Variants in PDCD1LG2 observed in about 807,000 individuals in gnomAD.
The protein encoded by PDCD1LG2 is B7 dendritic cell molecule.
In PDCD1LG2, 32 loss-of-function variants were observed where a neutral mutation model predicts 28.2. That is an observed-to-expected ratio of 1.13 (90% CI 0.86 to 1.52). The LOEUF (loss-of-function observed/expected upper bound fraction) is 1.52. Ranked by LOEUF, PDCD1LG2 falls within the 40% of genes most tolerant of loss-of-function variation. The pLI, the probability that PDCD1LG2 is intolerant of heterozygous loss-of-function variation, is 0.00. For synonymous variants in PDCD1LG2, 116 were observed against 120.2 expected, an observed-to-expected ratio of 0.97 and a Z score of 0.23; for missense variants, 385 against 323.8, an observed-to-expected ratio of 1.19 and a Z score of -1.45.
In PDCD1LG2 at chr9:5,569,698, T is replaced by C. The variant is rs1216555581; in HGVS notation, c.817-256T>C. Among the ~76,000 whole-genome samples the C allele has an allele frequency of 6.6e-6, 1 of 152,168 alleles. No homozygotes were observed. Among genetic ancestry groups the C allele is most frequent in the African/African-American group, 2.4e-5 (1 of 41,432 alleles). ...AGGCCCCTGAAATGTGCTCCAATAT[T>C]ACTGAACTATGTGTGGCCCAAAGAA... On this transcript the variant is annotated intron_variant, in intron 6 of 6. Coordinates refer to ENST00000397747, the MANE Select transcript of PDCD1LG2 (RefSeq NM_025239.4). This position sits in a 1 kb window ranked among gnomAD's most constrained non-coding sequence, Gnocchi z 4.1.
chr9:5,531,330 C>G (rs976535698), intron 2 of PDCD1LG2, among the ~76,000 whole-genome samples: 2 of 152,152 alleles, frequency 1.3e-5, no homozygotes, highest in African/African-American at 4.8e-5. Flanking sequence ...ATTGCCTAAA[C>G]CTCTTATTTT....
intron 6 of PDCD1LG2, among the ~76,000 whole-genome samples, chr9:5,563,643 G>C (rs1453079085): frequency 6.6e-6 from 1 of 152,214 alleles, no homozygotes. Context: ...GGAATCTGTG[G>C]AGGAGGAAGG....
At chr9:5,527,878 A>G (rs12351087) in intron 2 of PDCD1LG2, among the ~76,000 whole-genome samples, 12,128 of 151,868 alleles carry the variant, frequency 0.08, 1,580 homozygotes, top group African/African-American at 0.27. Flanking sequence ...ACCCAGGCTA[A>G]AGTGCAATGC....
chr9:5,564,339 G>C (rs1206497610), intron 6 of PDCD1LG2, among the ~76,000 whole-genome samples: 2 of 152,150 alleles, frequency 1.3e-5, no homozygotes, highest in Non-Finnish European at 2.9e-5. Flanking sequence ...TGTGATATCA[G>C]AATCTACCAC....
chr9:5,525,371 C>T (rs1347461994), intron 2 of PDCD1LG2, among the ~76,000 whole-genome samples: 1 of 149,742 alleles, frequency 6.7e-6, no homozygotes, highest in Non-Finnish European at 1.5e-5. Flanking sequence ...AAAAAAAACA[C>T]TTATGGCGGT....
chr9:5,531,124 C>T (rs1282372333), intron 2 of PDCD1LG2, among the ~76,000 whole-genome samples: 1 of 152,198 alleles, frequency 6.6e-6, no homozygotes, highest in Non-Finnish European at 1.5e-5. Flanking sequence ...CAAAGTAGTG[C>T]CTGGGCATTA....
chr9:5,543,240 TA>T (rs767374579), intron 3 of PDCD1LG2, among the ~76,000 whole-genome samples: 1 of 151,694 alleles, frequency 6.6e-6, no homozygotes. Context: ...GGGTGAGAGA[TA>T]AAAAACTCCA....
chr9:5,515,061 T>C (rs986697310), intron 1 of PDCD1LG2, among the ~76,000 whole-genome samples: 1 of 152,212 alleles, frequency 6.6e-6, no homozygotes, highest in African/African-American at 2.4e-5. Context: ...TGACGATGAA[T>C]GTGAAGAATG....
intron 3 of PDCD1LG2, among the ~76,000 whole-genome samples, chr9:5,546,166 G>A (rs1176339593): frequency 6.6e-6 from 1 of 152,080 alleles, no homozygotes; most frequent in Non-Finnish European, 1.5e-5. Flanking sequence ...GCTCCCTCAT[G>A]TATCCCAAGT....
At chr9:5,550,215 C>G (rs1311243705) in intron 4 of PDCD1LG2, among the ~76,000 whole-genome samples, 2 of 152,244 alleles carry the variant, frequency 1.3e-5, no homozygotes, top group East Asian at 1.9e-4. Flanking sequence ...AATTTGGTCT[C>G]TAACAAAATT....
chr9:5,534,240 T>A (rs1259232286), intron 2 of PDCD1LG2, among the ~76,000 whole-genome samples: 1 of 152,176 alleles, frequency 6.6e-6, no homozygotes, highest in African/African-American at 2.4e-5. Flanking sequence ...GAGGAAGTGA[T>A]ACCTGGCACA....
chr9:5,537,191 A>C (rs1820596165), intron 3 of PDCD1LG2, among the ~76,000 whole-genome samples: 2 of 152,264 alleles, frequency 1.3e-5, no homozygotes, highest in East Asian at 3.8e-4. Context: ...TGCTGTAACG[A>C]AACTGCTTCC....
At chr9:5,541,841 A>C (rs749474761) in intron 3 of PDCD1LG2, among the ~76,000 whole-genome samples, 1 of 152,184 alleles carries the variant, frequency 6.6e-6, no homozygotes, top group Non-Finnish European at 1.5e-5. Context: ...TAAAATTCAT[A>C]TGGAACCAAA....
intron 1 of PDCD1LG2, among the ~76,000 whole-genome samples, chr9:5,517,731 G>A (rs1820194750): frequency 6.6e-6 from 1 of 152,220 alleles, no homozygotes; most frequent in South Asian, 2.1e-4. Context: ...TATGGAAGCA[G>A]TGGAGGTGGT....
At chr9:5,540,878 C>A (rs1820674330) in intron 3 of PDCD1LG2, among the ~76,000 whole-genome samples, 1 of 152,026 alleles carries the variant, frequency 6.6e-6, no homozygotes, top group South Asian at 2.1e-4. Flanking sequence ...CCAGTAGCAC[C>A]CTAATACAAA....
chr9:5,548,234 T>A (rs900532961), intron 3 of PDCD1LG2, among the ~76,000 whole-genome samples: 7 of 152,196 alleles, frequency 4.6e-5, no homozygotes, highest in Non-Finnish European at 1.0e-4. Context: ...ATTTCACAAA[T>A]AAATGAGATC....
chr9:5,539,115 AAAAT>A (rs1820640414), intron 3 of PDCD1LG2, among the ~76,000 whole-genome samples: 1 of 152,238 alleles, frequency 6.6e-6, no homozygotes, highest in Non-Finnish European at 1.5e-5. Context: ...ATGTAAGAGT[AAAAT>A]AATTGTTTTA....
At position 5,570,996 on chromosome 9, in the gene PDCD1LG2, T is replaced by A. The variant is rs1474882908; in HGVS notation, c.*1037T>A. ...GGCTACAGTAACAGCTTAATTTTGTTAAATTTGTTCTTTATACTGGAGCCA... is the reference window on the plus strand; with the variant it reads ...GGCTACAGTAACAGCTTAATTTTGTAAAATTTGTTCTTTATACTGGAGCCA... On this transcript the variant is annotated 3_prime_UTR_variant, in exon 7 of 7. Transcript: ENST00000397747. The A allele has an allele frequency of 1.7e-5, 4 of 232,790 alleles. No homozygotes were observed. The South Asian group carries it at 7.2e-4, about 42-fold the overall frequency. The allele number at this position is 232,790 out of a possible 1,614,324, so 14.4% of individuals were successfully genotyped here.
At chr9:5,556,741 C>G (rs904509694) in intron 4 of PDCD1LG2, among the ~76,000 whole-genome samples, 1 of 152,128 alleles carries the variant, frequency 6.6e-6, no homozygotes, top group African/African-American at 2.4e-5. Flanking sequence ...GTGAATGACT[C>G]CAGAGGCAAA....
Sources: allele counts gnomAD v4.1 joint callset (sites outside exome capture counted in the v4.1 genomes callset), GRCh38; gene constraint gnomAD v4.1.1; non-coding constraint Gnocchi (gnomAD v3.1); transcripts MANE v1.5; gene names NCBI Gene and HGNC (gene_info 2026-07-23, HGNC 2026-07-21).